TMPRSS11D: variants seen among roughly 807,000 people sequenced by gnomAD.
The protein encoded by TMPRSS11D is transmembrane serine protease 11D.
TMPRSS11D carries 32 observed loss-of-function variants against 44.4 expected under a neutral mutation model. That is an observed-to-expected ratio of 0.72 (90% confidence interval 0.54 to 0.97). The LOEUF (loss-of-function observed/expected upper bound fraction) is 0.97. Among genes scored for constraint, TMPRSS11D ranks in the 50% least tolerant of loss-of-function variants. TMPRSS11D has a pLI of 0.00. For synonymous variants in TMPRSS11D, 179 were observed against 177.9 expected, an observed-to-expected ratio of 1.01 and a Z score of -0.05; for missense variants, 446 against 502.6, an observed-to-expected ratio of 0.89 and a Z score of 1.08.
chr4:67,846,629 C>A (rs929081773), intron 3 of TMPRSS11D, among the ~76,000 whole-genome samples: 5 of 152,084 alleles, frequency 3.3e-5, no homozygotes, highest in African/African-American at 9.7e-5. Flanking sequence ...AAGTGAATTT[C>A]CATTTTCCAT....
At chr4:67,844,267 G>A (rs1274163972) in intron 3 of TMPRSS11D, among the ~76,000 whole-genome samples, 2 of 152,080 alleles carry the variant, frequency 1.3e-5, no homozygotes, top group African/African-American at 4.8e-5. Flanking sequence ...ATGCAATCTC[G>A]ATTATACCAC....
intron 3 of TMPRSS11D, among the ~76,000 whole-genome samples, chr4:67,845,902 C>A: frequency 6.6e-6 from 1 of 152,070 alleles, no homozygotes; most frequent in East Asian, 1.9e-4. Flanking sequence ...AAACACTGCA[C>A]ACAGGATATC....
chr4:67,873,256 G>A (rs1437235608), intron 1 of TMPRSS11D, among the ~76,000 whole-genome samples: 2 of 152,190 alleles, frequency 1.3e-5, no homozygotes, highest in Admixed American at 6.5e-5. Context: ...ATTTTGAGGA[G>A]CACAGTATTC....
rs562577788 is a variant in TMPRSS11D at position 67,838,164 on chromosome 4, A to G, written c.475+8T>C. ...GAAATAAAATTGTTTATGAAAAATT[A>G]TACTTACATGTTATCTCAGTTGAAG... On this transcript the variant is annotated splice_region_variant and intron_variant, in intron 5 of 9. Coordinates refer to ENST00000283916, the MANE Select transcript of TMPRSS11D (RefSeq NM_004262.3). 4 of 1,499,234 alleles carry G rather than the reference A, an allele frequency of 2.7e-6. No individual in the cohort carries two copies. The highest frequency in any genetic ancestry group is 4.9e-5 in the Admixed American group (2 of 40,918). 92.9% of individuals were successfully genotyped at this position (1,499,234 alleles called of 1,614,324 possible). A position where few individuals can be genotyped will look rare whatever the true frequency, so the allele number is the denominator to read the frequency against.
chr4:67,851,496 T>G (rs1718508344), intron 3 of TMPRSS11D, among the ~76,000 whole-genome samples: 1 of 152,166 alleles, frequency 6.6e-6, no homozygotes, highest in Non-Finnish European at 1.5e-5. Flanking sequence ...TGTCCTCCAC[T>G]GAGGGAGGCG....
chr4:67,868,033 A>C (rs991109279), intron 1 of TMPRSS11D, among the ~76,000 whole-genome samples: 7 of 152,136 alleles, frequency 4.6e-5, no homozygotes, highest in African/African-American at 1.7e-4. Flanking sequence ...TTGCAGCACT[A>C]TTTATAATAG....
chr4:67,824,754 G>T (rs916901817), intron 9 of TMPRSS11D, among the ~76,000 whole-genome samples: 4 of 152,016 alleles, frequency 2.6e-5, no homozygotes, highest in Non-Finnish European at 5.9e-5. Flanking sequence ...TTGATGCGAA[G>T]AATAATTCTT....
intron 7 of TMPRSS11D, among the ~76,000 whole-genome samples, chr4:67,829,736 G>A (rs1028357278): frequency 6.6e-6 from 1 of 151,914 alleles, no homozygotes; most frequent in Non-Finnish European, 1.5e-5. Context: ...CATGGTAGGG[G>A]AGATCAAAAC....
Position 67,827,493 on chromosome 4 carries a change from G to C in TMPRSS11D, c.720C>G (p.Ala240=). 2 of 1,607,900 alleles carry C rather than the reference G, an allele frequency of 1.2e-6. No homozygotes were observed. The highest frequency in any genetic ancestry group is 1.7e-6 in the Non-Finnish European group (2 of 1,176,630). Residue 240 remains alanine (A), a synonymous_variant, in exon 8 of 10, where the codon GCC becomes GCG. Coordinates refer to ENST00000283916, the MANE Select transcript of TMPRSS11D (RefSeq NM_004262.3). ...GAAATGTTGTGGAAATACCAGACGT[G>C]GCAATCCAGTCACGAGGATTAGAGT... ...RSNSNPRDWI[A]TSGISTTFPK... is the part of the protein sequence containing the mutation.
In TMPRSS11D at chr4:67,847,327, A is replaced by T. The variant is rs574644751; in HGVS notation, c.250-4702T>A. Among the ~76,000 whole-genome samples the T allele has an allele frequency of 2.0e-5, 3 of 152,302 alleles. No homozygotes were observed. The South Asian group carries it at 6.2e-4, about 32-fold the overall frequency. ...GACTGGCATTGCTTTACCTGTTAAT[A>T]TGGCTTTAATAGATAAGGAAATATG... On this transcript the variant is annotated intron_variant, in intron 3 of 9. Coordinates refer to ENST00000283916, the MANE Select transcript of TMPRSS11D (RefSeq NM_004262.3).
At chr4:67,883,381 A>G (rs559234336) in intron 1 of TMPRSS11D, among the ~76,000 whole-genome samples, 1 of 152,194 alleles carries the variant, frequency 6.6e-6, no homozygotes, top group East Asian at 1.9e-4. Flanking sequence ...CTAAAAAGAA[A>G]ACCAGAGAGA....
At chr4:67,843,569 C>T (rs753873866) in intron 3 of TMPRSS11D, among the ~76,000 whole-genome samples, 9 of 152,164 alleles carry the variant, frequency 5.9e-5, no homozygotes, top group Admixed American at 1.3e-4. Context: ...AAAAAGGATA[C>T]TCCAACCTCA....
chr4:67,853,253 G>A (rs1377804690), intron 3 of TMPRSS11D, among the ~76,000 whole-genome samples: 4 of 152,188 alleles, frequency 2.6e-5, no homozygotes, highest in Non-Finnish European at 5.9e-5. Context: ...TGCACACAGT[G>A]AGAACAGTTA....
chr4:67,833,584 C>T (rs1718001408), intron 6 of TMPRSS11D: 1 of 423,492 alleles, frequency 2.4e-6, no homozygotes. Context: ...TTTTGGAGAA[C>T]ATTTCTGAAT....
At chr4:67,853,433 T>C (rs1482974056) in intron 3 of TMPRSS11D, among the ~76,000 whole-genome samples, 1 of 152,206 alleles carries the variant, frequency 6.6e-6, no homozygotes. Flanking sequence ...AATTACTTTA[T>C]ATTCTTAGGA....
rs1717832704 is a variant in TMPRSS11D at position 67,827,532 on chromosome 4, T to C, written c.693-12A>G. ...GAGGATTAGAGTTGCTAAAACATTA[T>C]GAAAACATGCTATATGAGTAGGGAA... On this transcript the variant is annotated splice_polypyrimidine_tract_variant and intron_variant, in intron 7 of 9. Coordinates refer to ENST00000283916, the MANE Select transcript of TMPRSS11D (RefSeq NM_004262.3). 6.3e-7 allele frequency: 1 copy of C among 1,575,790 alleles called. No individual in the cohort carries two copies. Among genetic ancestry groups the C allele is most frequent in the African/African-American group, 1.4e-5 (1 of 74,002 alleles).
intron 2 of TMPRSS11D, among the ~76,000 whole-genome samples, chr4:67,855,252 C>A (rs1185694072): frequency 1.6e-4 from 20 of 125,748 alleles, no homozygotes; most frequent in African/African-American, 4.6e-4. Context: ...AAGACTGTCT[C>A]AAAAAAAAAA....
At chr4:67,837,269 A>G (rs1718114388) in intron 5 of TMPRSS11D, among the ~76,000 whole-genome samples, 1 of 152,108 alleles carries the variant, frequency 6.6e-6, no homozygotes, top group Admixed American at 6.6e-5. Context: ...GTGCGTGAGC[A>G]TTGGCCAGTC....
intron 6 of TMPRSS11D, 122 bp from the exon 7 acceptor site, chr4:67,833,503 T>C: frequency 7.4e-6 from 7 of 941,520 alleles, no homozygotes; most frequent in Non-Finnish European, 1.0e-5. Context: ...CAGGACATGC[T>C]GGATTTTCCA....
Sources: gnomAD v4.1 joint callset for allele counts (sites outside exome capture counted in the v4.1 genomes callset) on GRCh38, gnomAD v4.1.1 for gene constraint, MANE v1.5 for transcripts, NCBI Gene and HGNC (gene_info 2026-07-23, HGNC 2026-07-21) for gene names.